Variants in CNBD1 observed in about 807,000 individuals in gnomAD.
The protein encoded by CNBD1 is cyclic nucleotide-binding domain-containing protein 1.
Under a neutral mutation model 54.4 loss-of-function variants are expected in CNBD1, and 71 were observed. The ratio of observed to expected loss-of-function variants is 1.30; its 90% CI spans 1.08 to 1.59. CNBD1 has a LOEUF of 1.59. Ranked by LOEUF, CNBD1 falls within the 40% of genes most tolerant of loss-of-function variation. The pLI is 0.00. For synonymous variants in CNBD1, 182 were observed against 170.7 expected, an observed-to-expected ratio of 1.07 and a Z score of -0.51; for missense variants, 659 against 518.0, an observed-to-expected ratio of 1.27 and a Z score of -2.64.
At chr8:87,229,883 T>C (rs566284611) in intron 5 of CNBD1, among the ~76,000 whole-genome samples, 1 of 152,342 alleles carries the variant, frequency 6.6e-6, no homozygotes, top group Admixed American at 6.5e-5. Flanking sequence ...TGAGGGTCAA[T>C]TTCTGAACTC....
intron 9 of CNBD1, among the ~76,000 whole-genome samples, chr8:87,352,331 T>C (rs529757261): frequency 1.2e-4 from 18 of 151,844 alleles, no homozygotes; most frequent in African/African-American, 2.9e-4. Context: ...AATACAAAAA[T>C]TAGCTGGGTG....
At chr8:87,332,284 G>T (rs1476236305) in intron 8 of CNBD1, among the ~76,000 whole-genome samples, 1 of 151,734 alleles carries the variant, frequency 6.6e-6, no homozygotes, top group African/African-American at 2.4e-5. Flanking sequence ...GGAGGCGGAG[G>T]TTGCAGTGAG....
chr8:87,081,971 G>A (rs374668287), intron 4 of CNBD1, among the ~76,000 whole-genome samples: 7 of 152,026 alleles, frequency 4.6e-5, no homozygotes, highest in East Asian at 3.9e-4. Context: ...TTTTTGCTTC[G>A]TGCATTTTAA....
At chr8:87,388,421 C>G (rs1001505708) in intron 2 of CNBD1, among the ~76,000 whole-genome samples, 4 of 152,020 alleles carry the variant, frequency 2.6e-5, no homozygotes, top group African/African-American at 9.7e-5. Flanking sequence ...AAGGGGATAT[C>G]ACCACCGATC....
intron 8 of CNBD1, among the ~76,000 whole-genome samples, chr8:87,327,385 G>T (rs1563554057): frequency 6.6e-6 from 1 of 151,698 alleles, no homozygotes; most frequent in Non-Finnish European, 1.5e-5. Context: ...GGGCAATGGT[G>T]GGCGCCCCTC....
In CNBD1 at chr8:87,211,772, C is replaced by A. The variant is rs576465885; in HGVS notation, c.577+5634C>A. Among the ~76,000 whole-genome samples, 6 of 152,292 alleles carry A rather than the reference C, an allele frequency of 3.9e-5. No individual in the cohort carries two copies. The East Asian group carries it at 1.2e-3, about 29-fold the overall frequency. On this transcript the variant is annotated intron_variant, in intron 5 of 10. Transcript: ENST00000518476. ...CCTGCAGAGCCATGAGCCAATTAAA[C>A]CTCTTTTCTTTATAAATGACCCAGT...
intron 1 of CNBD1, among the ~76,000 whole-genome samples, chr8:86,869,565 CT>C (rs1370411569): frequency 2.0e-5 from 3 of 152,154 alleles, no homozygotes; most frequent in Non-Finnish European, 2.9e-5. Context: ...GTGGTTCTTT[CT>C]TCTTTGAAAC....
chr8:87,017,480 A>T (rs1425272881), intron 4 of CNBD1, among the ~76,000 whole-genome samples: 1 of 152,228 alleles, frequency 6.6e-6, no homozygotes, highest in South Asian at 2.1e-4. Flanking sequence ...TTGCTATGGA[A>T]TATTAACTAA....
intron 8 of CNBD1, among the ~76,000 whole-genome samples, chr8:87,314,876 A>G (rs182390382): frequency 6.6e-6 from 1 of 152,052 alleles, no homozygotes; most frequent in East Asian, 1.9e-4. Flanking sequence ...ATGATGTAAA[A>G]TAAGACAGTT....
chr8:87,154,512 C>T (rs896605983), intron 4 of CNBD1, among the ~76,000 whole-genome samples: 3 of 152,134 alleles, frequency 2.0e-5, no homozygotes, highest in African/African-American at 7.2e-5. Flanking sequence ...CAAAGTGTGC[C>T]TCAGTAAACA....
At chr8:87,159,003 G>A (rs920448386) in intron 4 of CNBD1, among the ~76,000 whole-genome samples, 3 of 152,026 alleles carry the variant, frequency 2.0e-5, no homozygotes, top group African/African-American at 7.2e-5. Context: ...AAGGCTTATG[G>A]AATCCATTAT....
At chr8:87,293,536 C>G (rs762314505) in intron 8 of CNBD1, among the ~76,000 whole-genome samples, 4 of 152,122 alleles carry the variant, frequency 2.6e-5, no homozygotes, top group Non-Finnish European at 5.9e-5. Context: ...GAGCAAGACT[C>G]CATCTCAAAA....
chr8:87,121,883 T>G (rs1028961680), intron 4 of CNBD1, among the ~76,000 whole-genome samples: 3 of 151,798 alleles, frequency 2.0e-5, no homozygotes, highest in Admixed American at 2.0e-4. Flanking sequence ...GTATTGTGTG[T>G]GTGTATATAT....
At chr8:87,041,458 G>C (rs1810066329) in intron 4 of CNBD1, among the ~76,000 whole-genome samples, 1 of 152,060 alleles carries the variant, frequency 6.6e-6, no homozygotes, top group Non-Finnish European at 1.5e-5. Context: ...AATGTTCTTA[G>C]ATGAGAGATA....
chr8:86,870,912 ATGATAGTCCCAATGGAATG>A (rs1319801255), intron 1 of CNBD1, among the ~76,000 whole-genome samples: 1 of 152,194 alleles, frequency 6.6e-6, no homozygotes, highest in Non-Finnish European at 1.5e-5. Context: ...TATATAATCA[ATGATAGTCCCAATGGAATG>A]TGCCATCATA....
chr8:87,158,932 T>A (rs955423854), intron 4 of CNBD1, among the ~76,000 whole-genome samples: 3 of 152,200 alleles, frequency 2.0e-5, no homozygotes, highest in African/African-American at 7.2e-5. Flanking sequence ...AGCAATTTAA[T>A]GGTCTTCCAG....
intron 2 of CNBD1, among the ~76,000 whole-genome samples, chr8:87,389,412 A>G (rs1293316155): frequency 1.3e-5 from 2 of 152,210 alleles, no homozygotes; most frequent in South Asian, 2.1e-4. Context: ...GTCTCAGGAT[A>G]TAAAATCAAT....
chr8:87,249,840 C>A (rs1200822764), intron 6 of CNBD1, among the ~76,000 whole-genome samples: 2 of 152,074 alleles, frequency 1.3e-5, no homozygotes, highest in African/African-American at 2.4e-5. Context: ...AAAAACAGGA[C>A]CCTTGAACTT....
At chr8:86,892,480 C>T (rs562302562) in intron 2 of CNBD1, among the ~76,000 whole-genome samples, 3 of 152,064 alleles carry the variant, frequency 2.0e-5, no homozygotes, top group East Asian at 3.9e-4. Flanking sequence ...TGTTAATCAT[C>T]GTTATTTAAA....
Sources: gnomAD v4.1 joint callset for allele counts (sites outside exome capture counted in the v4.1 genomes callset) on GRCh38, gnomAD v4.1.1 for gene constraint, MANE v1.5 for transcripts, NCBI Gene and HGNC (gene_info 2026-07-23, HGNC 2026-07-21) for gene names.